The following ZNF273 variants were observed in gnomAD, a reference collection of about 807,000 sequenced individuals.
ZNF273 encodes zinc finger protein 273.
ZNF273 carries 11 observed loss-of-function variants against 14.9 expected under a neutral mutation model. The observed-to-expected ratio is 0.74, with a 90% CI of 0.46 to 1.22. ZNF273 has a LOEUF of 1.22. Ranked by LOEUF, ZNF273 falls within the 50% of genes most tolerant of loss-of-function variation. The pLI, the probability that ZNF273 is intolerant of heterozygous loss-of-function variation, is 0.00. For missense variants in ZNF273, 577 were observed against 660.6 expected (o/e 0.87, Z 1.39); for synonymous variants, 199 against 223.9 (o/e 0.89, Z 0.99).
At chr7:64,913,207 A>C (rs1583992110) in intron 1 of ZNF273, among the ~76,000 whole-genome samples, 1 of 152,170 alleles carries the variant, frequency 6.6e-6, no homozygotes, top group East Asian at 1.9e-4. Flanking sequence ...AAACACAATA[A>C]AAATTCCTTT....
rs554518020 is a variant in ZNF273, at chr7:64,909,438, A to G, written c.102+6019A>G. On this transcript the variant is annotated intron_variant, in intron 1 of 3. Transcript: ENST00000476120. ...GAGACGGGGTTTCAACATGGTGTCC[A>G]GGCTGGTCTCCAACTCCTGACCTCA... is the stretch of plus-strand genomic sequence containing the variant. Among the ~76,000 whole-genome samples the G allele has an allele frequency of 2.6e-5, 4 of 152,134 alleles. No homozygotes were observed. The South Asian group carries it at 8.3e-4, about 32-fold the overall frequency.
At chr7:64,880,775 C>A (rs1239175425), downstream of ZNF273, among the ~76,000 whole-genome samples, 1 of 152,152 alleles carries the variant, frequency 6.6e-6, no homozygotes, top group Non-Finnish European at 1.5e-5. Flanking sequence ...ACACTACACC[C>A]AAGAACAGAA....
downstream of ZNF273, among the ~76,000 whole-genome samples, chr7:64,881,923 C>A (rs1404903315): frequency 2.6e-5 from 4 of 152,218 alleles, no homozygotes; most frequent in Non-Finnish European, 4.4e-5. Flanking sequence ...TTCAGTCTTG[C>A]AATCGCTGTA....
chr7:64,906,500 T>TAA (rs35933307), intron 1 of ZNF273, among the ~76,000 whole-genome samples: 1 of 152,034 alleles, frequency 6.6e-6, no homozygotes, highest in African/African-American at 2.4e-5. Flanking sequence ...TTTAAACACT[T>TAA]ACTTTCAAAA....
chr7:64,905,243 G>A (rs975250049), intron 1 of ZNF273, among the ~76,000 whole-genome samples: 5 of 150,088 alleles, frequency 3.3e-5, no homozygotes, highest in East Asian at 2.0e-4. Context: ...AGCCTACCAA[G>A]TAGCTGGGAT....
chr7:64,928,031 A>T lies in ZNF273; in HGVS notation c.703A>T (p.Lys235Ter). The change falls in exon 4 of 4, where the codon AAA becomes TAA. Residue 235 changes from lysine (K) to a stop codon, truncating the protein, a stop_gained. Transcript: ENST00000476120. LOFTEE classifies it low-confidence loss of function (END_TRUNC). ...AACTGCTACTAGAGTGAATTTCTAC[A>T]AATGTAAGACATGTGGAAAAGCCTT... ...KKTATRVNFY[K>*]CKTCGKAFNQ... The T allele has an allele frequency of 6.2e-7, 1 of 1,614,052 alleles. No homozygotes were observed. The highest frequency in any genetic ancestry group is 8.5e-7 in the Non-Finnish European group (1 of 1,179,950).
intron 1 of ZNF273, among the ~76,000 whole-genome samples, chr7:64,911,378 T>C (rs1206120018): frequency 6.6e-6 from 1 of 151,194 alleles, no homozygotes; most frequent in Admixed American, 6.6e-5. Context: ...ATTCTCCTGC[T>C]CCAGCCTCCC....
chr7:64,894,921 A>C (rs1290709304), intron 3 of ZNF273, among the ~76,000 whole-genome samples: 1 of 151,930 alleles, frequency 6.6e-6, no homozygotes, highest in African/African-American at 2.4e-5. Context: ...CGAGGTCAGG[A>C]GTTCAAGACC....
intron 3 of ZNF273, among the ~76,000 whole-genome samples, chr7:64,925,348 C>G (rs1794722004): frequency 6.6e-6 from 1 of 151,708 alleles, no homozygotes; most frequent in South Asian, 2.1e-4. Flanking sequence ...TTTGGGGTAC[C>G]TTGGGGATTA....
chr7:64,903,170 G>A (rs1792839139), upstream of ZNF273: 1 of 604,122 alleles, frequency 1.7e-6, no homozygotes, highest in Admixed American at 3.1e-5. Context: ...TGAGGGGGCG[G>A]GTCCTTAAAC....
At chr7:64,904,175 G>T (rs916516187) in intron 1 of ZNF273, among the ~76,000 whole-genome samples, 1 of 152,048 alleles carries the variant, frequency 6.6e-6, no homozygotes, top group Non-Finnish European at 1.5e-5. Context: ...TGCAACCAAC[G>T]CCTCCCGGGT....
chr7:64,885,461 C>A (rs1467479671), intron 1 of ZNF273, among the ~76,000 whole-genome samples: 2 of 152,256 alleles, frequency 1.3e-5, no homozygotes, highest in Non-Finnish European at 2.9e-5. Flanking sequence ...CATTAAGTCA[C>A]CTGTCCTGTG....
At position 64,912,150 on chromosome 7, in the gene ZNF273, C is replaced by T. The variant is rs533779986; in HGVS notation, c.103-5431C>T. Among the ~76,000 whole-genome samples the T allele has an allele frequency of 8.5e-5, 13 of 152,218 alleles. No individual in the cohort carries two copies. The South Asian group carries it at 1.7e-3, about 19-fold the overall frequency. Reference sequence around the variant, plus strand: ...ATTTTTCTAATTTTAATAGAGTCGACGTGGTTTCACCATGTTGGCCAGGCT... The same window carrying T: ...ATTTTTCTAATTTTAATAGAGTCGATGTGGTTTCACCATGTTGGCCAGGCT... On this transcript the variant is annotated intron_variant, in intron 1 of 3. Coordinates refer to ENST00000476120, the MANE Select transcript of ZNF273 (RefSeq NM_021148.3).
chr7:64,900,812 T>G (rs1554383140), upstream of ZNF273, among the ~76,000 whole-genome samples: 1 of 152,164 alleles, frequency 6.6e-6, no homozygotes, highest in Non-Finnish European at 1.5e-5. Flanking sequence ...AGATCATCTA[T>G]AAAACACCTT....
chr7:64,880,712 C>G (rs375819888), downstream of ZNF273, among the ~76,000 whole-genome samples: 3 of 152,080 alleles, frequency 2.0e-5, no homozygotes, highest in South Asian at 4.2e-4. Flanking sequence ...ATGCGACGGG[C>G]CCCAAATTAT....
intron 1 of ZNF273, among the ~76,000 whole-genome samples, chr7:64,910,957 G>A (rs546040767): frequency 6.6e-6 from 1 of 151,524 alleles, no homozygotes. Flanking sequence ...GTAGAGATGG[G>A]GTTTCGTCGT....
the ZNF273 span, among the ~76,000 whole-genome samples, chr7:64,936,314 C>T: frequency 6.6e-6 from 1 of 152,180 alleles, no homozygotes; most frequent in Non-Finnish European, 1.5e-5. Context: ...TCATGCAAAT[C>T]ACAGCCCAAT....
chr7:64,916,288 C>T (rs1436265825), intron 1 of ZNF273, among the ~76,000 whole-genome samples: 2 of 150,680 alleles, frequency 1.3e-5, no homozygotes, highest in African/African-American at 2.4e-5. Flanking sequence ...CCTGTAATCC[C>T]ATACACTTTT....
chr7:64,878,865 C>A (rs1791182757), intron 2 of ZNF273, among the ~76,000 whole-genome samples: 1 of 152,220 alleles, frequency 6.6e-6, no homozygotes, highest in Non-Finnish European at 1.5e-5. Context: ...CCACAGTAAA[C>A]ATTTCCAGGT....
Sources: allele counts gnomAD v4.1 joint callset (sites outside exome capture counted in the v4.1 genomes callset), GRCh38; gene constraint gnomAD v4.1.1; transcripts MANE v1.5; gene names NCBI Gene and HGNC (gene_info 2026-07-23, HGNC 2026-07-21).